The following FKBP5 variants were observed in gnomAD, a reference collection of about 807,000 sequenced individuals.
The protein encoded by FKBP5 is FKBP prolyl isomerase 5.
In FKBP5, 23 loss-of-function variants were observed where a neutral mutation model predicts 50.5. That is an observed-to-expected ratio of 0.46 (90% CI 0.33 to 0.65). The LOEUF (loss-of-function observed/expected upper bound fraction) is 0.65. Ranked by LOEUF, FKBP5 falls within the 30% of genes least tolerant of loss-of-function variation. FKBP5 has a pLI of 0.02. For synonymous variants in FKBP5, 176 were observed against 190.6 expected (o/e 0.92, Z 0.63); for missense variants, 411 against 553.1 (o/e 0.74, Z 2.58).
intron 3 of FKBP5, among the ~76,000 whole-genome samples, chr6:35,623,223 A>C (rs1337911605): frequency 2.0e-5 from 3 of 152,222 alleles, no homozygotes; most frequent in Admixed American, 6.5e-5. Flanking sequence ...GCCTGGGCGA[A>C]AGAGCGAGAC....
intron 5 of FKBP5, among the ~76,000 whole-genome samples, chr6:35,609,956 T>C (rs1009857510): frequency 6.6e-6 from 1 of 152,236 alleles, no homozygotes; most frequent in Non-Finnish European, 1.5e-5. Context: ...TTAGTGCTGC[T>C]TTTTTCGTGA....
At chr6:35,576,456 G>C (rs1762217594) in intron 10 of FKBP5, among the ~76,000 whole-genome samples, 4 of 152,138 alleles carry the variant, frequency 2.6e-5, no homozygotes, top group Admixed American at 2.6e-4. Flanking sequence ...AGGAACCCTT[G>C]AAGCCAGGGG....
intron 5 of FKBP5, among the ~76,000 whole-genome samples, chr6:35,618,561 A>G (rs1364759258): frequency 1.3e-5 from 2 of 152,164 alleles, no homozygotes; most frequent in African/African-American, 4.8e-5. Flanking sequence ...TTTTTAGTAG[A>G]GATGGGGCCT....
intron 1 of FKBP5, among the ~76,000 whole-genome samples, chr6:35,679,692 GT>G (rs1342476717): frequency 6.6e-6 from 1 of 152,138 alleles, no homozygotes; most frequent in East Asian, 1.9e-4. Flanking sequence ...AATACTGCAT[GT>G]TCTCACCTAT....
At chr6:35,642,278 T>C (rs1764514462) in intron 2 of FKBP5, among the ~76,000 whole-genome samples, 3 of 152,040 alleles carry the variant, frequency 2.0e-5, no homozygotes, top group Admixed American at 1.3e-4. Flanking sequence ...AGTCTCAATT[T>C]CAACATCTAT....
chr6:35,617,221 T>C (rs963492387), intron 5 of FKBP5, among the ~76,000 whole-genome samples: 2 of 152,178 alleles, frequency 1.3e-5, no homozygotes, highest in African/African-American at 4.8e-5. Context: ...TTTAAACTGA[T>C]TTGCCAGACT....
At chr6:35,590,531 A>G (rs980111070) in intron 7 of FKBP5, among the ~76,000 whole-genome samples, 2 of 152,168 alleles carry the variant, frequency 1.3e-5, no homozygotes, top group African/African-American at 4.8e-5. Flanking sequence ...TCAAGGAGGC[A>G]TGCTGTTTCT....
At chr6:35,669,769 T>C (rs924588894) in intron 1 of FKBP5, among the ~76,000 whole-genome samples, 8 of 152,224 alleles carry the variant, frequency 5.3e-5, no homozygotes, top group African/African-American at 1.9e-4. Flanking sequence ...AGAATTCACA[T>C]AACAAACCTC....
intron 5 of FKBP5, among the ~76,000 whole-genome samples, chr6:35,608,309 T>C (rs1763389539): frequency 1.3e-5 from 2 of 150,906 alleles, no homozygotes; most frequent in African/African-American, 4.8e-5. Context: ...ACCTCGGCAT[T>C]ACAGACAATA....
At chr6:35,678,934 T>C (rs1765594745) in intron 1 of FKBP5, among the ~76,000 whole-genome samples, 1 of 152,132 alleles carries the variant, frequency 6.6e-6, no homozygotes, top group African/African-American at 2.4e-5. Flanking sequence ...AACTTAAAAA[T>C]TAGCTGGTCA....
At chr6:35,614,366 G>A (rs549032321) in intron 5 of FKBP5, among the ~76,000 whole-genome samples, 5 of 152,214 alleles carry the variant, frequency 3.3e-5, no homozygotes, top group Non-Finnish European at 5.9e-5. Context: ...TGAGTATATC[G>A]TTTTTTATAT....
intron 7 of FKBP5, among the ~76,000 whole-genome samples, chr6:35,589,584 G>A (rs895905087): frequency 5.3e-5 from 8 of 152,210 alleles, no homozygotes; most frequent in African/African-American, 1.7e-4. Flanking sequence ...ACACCACTGG[G>A]AGAGTGCTCC....
At chr6:35,621,719 C>G (rs1210531460) in intron 3 of FKBP5, among the ~76,000 whole-genome samples, 1 of 152,000 alleles carries the variant, frequency 6.6e-6, no homozygotes, top group Non-Finnish European at 1.5e-5. Context: ...CCTGTAATCC[C>G]AGCTGTAATC....
At chr6:35,598,899 C>T (rs1010211064) in intron 5 of FKBP5, among the ~76,000 whole-genome samples, 3 of 151,944 alleles carry the variant, frequency 2.0e-5, no homozygotes, top group Non-Finnish European at 4.4e-5. Context: ...GCCTGGGAGG[C>T]GGAGGTTGCA....
In FKBP5 at chr6:35,712,969, C is replaced by T. The variant is rs565904735; in HGVS notation, c.-20+7359G>A. 4.9e-4 allele frequency among the ~76,000 whole-genome samples: 73 copies of T among 150,014 alleles called. No homozygotes were observed. In the South Asian group the frequency reaches 0.01, roughly 21 times the overall value. On this transcript the variant is annotated intron_variant, in intron 2 of 11. Transcript: ENST00000536438. ...GTGGGTGCCTGTAGTCCCAGCTACT[C>T]GGGAGGCTGAGGTGGGAGGATCACT...
intron 1 of FKBP5, among the ~76,000 whole-genome samples, chr6:35,655,848 C>T (rs1383042432): frequency 1.3e-5 from 2 of 152,134 alleles, no homozygotes; most frequent in African/African-American, 4.8e-5. Context: ...AACACCTAAG[C>T]ATAATTAAAA....
chr6:35,641,008 T>G (rs573436273), intron 2 of FKBP5, among the ~76,000 whole-genome samples: 2 of 152,270 alleles, frequency 1.3e-5, no homozygotes, highest in East Asian at 3.9e-4. Flanking sequence ...TGAGACAGGA[T>G]CTCACTCTCA....
At chr6:35,620,301 AG>A in intron 3 of FKBP5, 27 bp from the exon 4 acceptor site, 1 of 1,611,256 alleles carries the variant, frequency 6.2e-7, no homozygotes, top group Non-Finnish European at 8.5e-7. Flanking sequence ...GGTAGTTGAA[AG>A]CTATAAGCCC....
chr6:35,702,185 T>C (rs1015423156), intron 2 of FKBP5, among the ~76,000 whole-genome samples: 1 of 152,054 alleles, frequency 6.6e-6, no homozygotes, highest in African/African-American at 2.4e-5. Flanking sequence ...CTAACCTCTC[T>C]GGACTCCTAC....
Sources: allele counts gnomAD v4.1 joint callset (sites outside exome capture counted in the v4.1 genomes callset), GRCh38; gene constraint gnomAD v4.1.1; transcripts MANE v1.5; gene names NCBI Gene and HGNC (gene_info 2026-07-23, HGNC 2026-07-21).